Variants in PARN observed in about 807,000 individuals in gnomAD.
The protein encoded by PARN is poly(A)-specific ribonuclease PARN.
A neutral mutation model predicts 102.8 loss-of-function variants in PARN; 71 were observed. That is an observed-to-expected ratio of 0.69 (90% CI 0.57 to 0.84). The LOEUF (loss-of-function observed/expected upper bound fraction) is 0.84, where lower values mean the gene tolerates loss of function less well. PARN is among the 40% of genes least tolerant of loss of function. PARN has a pLI of 0.00. For missense variants in PARN, 782 were observed against 760.9 expected, an observed-to-expected ratio of 1.03 and a Z score of -0.33; for synonymous variants, 261 against 252.9, an observed-to-expected ratio of 1.03 and a Z score of -0.30.
chr16:14,592,615 A>T (rs957869073), intron 13 of PARN, among the ~76,000 whole-genome samples: 1 of 152,180 alleles, frequency 6.6e-6, no homozygotes, highest in African/African-American at 2.4e-5. Context: ...TAAGGGAAGC[A>T]GCCTAGCAAG....
At chr16:14,616,957 G>T (rs1042427110) in intron 6 of PARN, among the ~76,000 whole-genome samples, 3 of 151,852 alleles carry the variant, frequency 2.0e-5, no homozygotes, top group African/African-American at 7.3e-5. Flanking sequence ...ACTATATCAC[G>T]CCAGTGGTAG....
chr16:14,575,586 A>T (rs1361346305), intron 18 of PARN, among the ~76,000 whole-genome samples: 3 of 152,114 alleles, frequency 2.0e-5, no homozygotes, highest in Non-Finnish European at 4.4e-5. Context: ...CTGTACCCCC[A>T]TTGTATCTAG....
chr16:14,439,444 G>A (rs1960855038), intron 23 of PARN, among the ~76,000 whole-genome samples: 2 of 150,116 alleles, frequency 1.3e-5, no homozygotes, highest in Non-Finnish European at 3.0e-5. Flanking sequence ...GGGAGGAAGG[G>A]AGGGAGGGAG....
chr16:14,521,128 G>T (rs1301153909), intron 21 of PARN, among the ~76,000 whole-genome samples: 1 of 152,174 alleles, frequency 6.6e-6, no homozygotes, highest in Non-Finnish European at 1.5e-5. Flanking sequence ...CTGCTTTTCA[G>T]CTCTATCAAG....
intron 12 of PARN, 83 bp from the exon 13 acceptor site, chr16:14,593,461 A>G (rs1284495482): frequency 9.1e-6 from 3 of 328,700 alleles, no homozygotes; most frequent in African/African-American, 7.4e-5. Context: ...AGATTCCAAG[A>G]GGACTTTGTA....
chr16:14,610,614 T>C (rs1596854949), intron 7 of PARN, 30 bp downstream of exon 7: 12 of 1,441,930 alleles, frequency 8.3e-6, no homozygotes, highest in African/African-American at 1.4e-5. Flanking sequence ...TAGCACACAA[T>C]GCACGCTTAG....
intron 21 of PARN, among the ~76,000 whole-genome samples, chr16:14,533,371 G>C (rs190254303): frequency 6.7e-6 from 1 of 149,392 alleles, no homozygotes; most frequent in East Asian, 2.0e-4. Context: ...GTCCAGCTTC[G>C]GCTTGGCATC....
intron 21 of PARN, among the ~76,000 whole-genome samples, chr16:14,538,506 C>A (rs1377491357): frequency 6.6e-6 from 1 of 152,132 alleles, no homozygotes; most frequent in Non-Finnish European, 1.5e-5. Context: ...CAGGTGTCAG[C>A]CACCACGCCT....
At chr16:14,606,086 C>T (rs926927927) in intron 10 of PARN, among the ~76,000 whole-genome samples, 1 of 152,066 alleles carries the variant, frequency 6.6e-6, no homozygotes, top group African/African-American at 2.4e-5. Context: ...CAAGCACAGA[C>T]AAGATACAAA....
chr16:14,448,783 G>A (rs905074450), intron 22 of PARN, among the ~76,000 whole-genome samples: 5 of 152,164 alleles, frequency 3.3e-5, no homozygotes, highest in Admixed American at 6.5e-5. Flanking sequence ...GAAGAGGCTG[G>A]AGCACTCTTC....
chr16:14,566,352 G>C (rs960643516), intron 18 of PARN, among the ~76,000 whole-genome samples: 3 of 152,166 alleles, frequency 2.0e-5, no homozygotes, highest in Non-Finnish European at 4.4e-5. Context: ...ATGTGACCAT[G>C]GGGACAGAGA....
intron 12 of PARN, among the ~76,000 whole-genome samples, chr16:14,594,731 T>A (rs1362533331): frequency 6.6e-6 from 1 of 151,980 alleles, no homozygotes; most frequent in Non-Finnish European, 1.5e-5. Context: ...AAAATCAGGT[T>A]ACCACGATGG....
In PARN at chr16:14,604,142, T is replaced by C. The variant is rs1317955775; in HGVS notation, c.783+4A>G. The C allele has an allele frequency of 1.3e-6, 2 of 1,575,384 alleles. No individual in the cohort carries two copies. The highest frequency in any genetic ancestry group is 2.2e-5 in the East Asian group (1 of 44,572). ...CCCCCCAAGAATTAACATAGCCCAA[T>C]TACCTGTTCTTTGGCATGTTTCTGC... On this transcript the variant is annotated splice_donor_region_variant and intron_variant, in intron 11 of 23. Coordinates refer to ENST00000437198, the MANE Select transcript of PARN (RefSeq NM_002582.4).
rs144305604 is a variant in PARN at position 14,477,108 on chromosome 16, T to C, written c.1670+5530A>G. On this transcript the variant is annotated intron_variant, in intron 22 of 23. Transcript: ENST00000437198. ...ATTGTAAAGACAAACCAGTTACCAG[T>C]AAAAGACTGAACAAAAATATACGAT... Among the ~76,000 whole-genome samples the C allele has an allele frequency of 2.0e-5, 3 of 152,248 alleles. No individual in the cohort carries two copies. The East Asian group carries it at 5.8e-4, about 29-fold the overall frequency.
intron 21 of PARN, among the ~76,000 whole-genome samples, chr16:14,539,404 T>A (rs1966755135): frequency 6.6e-6 from 1 of 152,220 alleles, no homozygotes; most frequent in Non-Finnish European, 1.5e-5. Context: ...AGCTTTTTGC[T>A]CTATTCTCAT....
intron 22 of PARN, among the ~76,000 whole-genome samples, chr16:14,478,507 T>C (rs986610788): frequency 2.0e-5 from 3 of 152,106 alleles, no homozygotes; most frequent in Admixed American, 6.6e-5. Flanking sequence ...TGGGGAAACA[T>C]TGAACTTCTC....
intron 18 of PARN, among the ~76,000 whole-genome samples, chr16:14,564,051 G>A (rs1047535857): frequency 1.3e-5 from 2 of 151,940 alleles, no homozygotes; most frequent in African/African-American, 2.4e-5. Context: ...CATGGAGGCC[G>A]ACCCTAAGCT....
intron 21 of PARN, among the ~76,000 whole-genome samples, chr16:14,498,493 G>A (rs1241153822): frequency 1.3e-5 from 2 of 152,228 alleles, no homozygotes; most frequent in Non-Finnish European, 2.9e-5. Context: ...TCCTAGGCCT[G>A]CCTCTCACCT....
At chr16:14,451,837 C>T (rs1234922571) in intron 22 of PARN, among the ~76,000 whole-genome samples, 18 of 107,230 alleles carry the variant, frequency 1.7e-4, no homozygotes, top group Admixed American at 3.4e-4. Context: ...GGAGAAACCC[C>T]GTCTCTAAAA....
Sources: gnomAD v4.1 joint callset for allele counts (sites outside exome capture counted in the v4.1 genomes callset) on GRCh38, gnomAD v4.1.1 for gene constraint, MANE v1.5 for transcripts, NCBI Gene and HGNC (gene_info 2026-07-23, HGNC 2026-07-21) for gene names.